The following ROBO1 variants were observed in gnomAD, a reference collection of about 807,000 sequenced individuals.
The protein encoded by ROBO1 is roundabout homolog 1.
ROBO1 carries 149 observed loss-of-function variants against 195.9 expected under a neutral mutation model. The observed-to-expected ratio is 0.76, with a 90% CI of 0.67 to 0.87. The LOEUF is 0.87. ROBO1 is among the 40% of genes least tolerant of loss of function. ROBO1 has a pLI of 0.00. For synonymous variants in ROBO1, 816 were observed against 733.2 expected (o/e 1.11, Z -1.82); for missense variants, 1,933 against 2,068.3 (o/e 0.93, Z 1.27).
intron 4 of ROBO1, among the ~76,000 whole-genome samples, chr3:78,917,670 A>T (rs192275114): frequency 2.0e-5 from 3 of 152,330 alleles, no homozygotes; most frequent in Admixed American, 6.5e-5. Flanking sequence ...AAGTCCTTAA[A>T]CATCCGGAAC....
chr3:78,695,557 G>A (rs571821461), intron 8 of ROBO1, among the ~76,000 whole-genome samples: 9 of 150,934 alleles, frequency 6.0e-5, no homozygotes, highest in East Asian at 5.9e-4. Flanking sequence ...TCCTGGAGGC[G>A]GAGGTTGCAG....
At position 78,627,331 on chromosome 3, in the gene ROBO1, G is replaced by T; in HGVS notation, c.3865C>A (p.Pro1289Thr). 1.2e-6 allele frequency: 2 copies of T among 1,612,148 alleles called. No homozygotes were observed. Among genetic ancestry groups the T allele is most frequent in the Non-Finnish European group, 1.7e-6 (2 of 1,179,122 alleles). Residue 1289 changes from proline to threonine, a missense_variant, in exon 26 of 31, where the codon CCC (proline) becomes ACC (threonine). By Grantham distance (38) the Pro-to-Thr change is conservative (BLOSUM62 -1). Around this residue, in one of 3 missense-constraint regions of ROBO1, gnomAD observed 1,737 missense variants for 1,882.5 expected, o/e 0.92. Coordinates refer to ENST00000464233, the MANE Select transcript of ROBO1 (RefSeq NM_002941.4). ...PEETGHMQHQ[P>T]DRRRQPVSPP... ...CTAGTGACAACATACCTCCTGTCGG[G>T]CTGGTGCTGCATGTGGCCAGTCTCC...
chr3:79,758,572 T>C (rs1247511860), intron 1 of ROBO1, among the ~76,000 whole-genome samples: 1 of 152,216 alleles, frequency 6.6e-6, no homozygotes, highest in Non-Finnish European at 1.5e-5. Context: ...TATAGGAATA[T>C]GATTCAGAAG....
At chr3:79,658,807 C>T (rs188339651) in intron 1 of ROBO1, among the ~76,000 whole-genome samples, 30 of 151,052 alleles carry the variant, frequency 2.0e-4, no homozygotes, top group East Asian at 7.9e-4. Context: ...CTCGCTCTGT[C>T]GCCCAGGCTG....
At chr3:79,235,246 G>A (rs2082386823) in intron 2 of ROBO1, among the ~76,000 whole-genome samples, 1 of 152,190 alleles carries the variant, frequency 6.6e-6, no homozygotes, top group South Asian at 2.1e-4. Flanking sequence ...ACACATTATT[G>A]AATATTGAAA....
chr3:78,984,431 T>C (rs969218513), intron 3 of ROBO1, among the ~76,000 whole-genome samples: 2 of 152,120 alleles, frequency 1.3e-5, no homozygotes, highest in Admixed American at 1.3e-4. Context: ...TTTGTTTCAA[T>C]AAACATCAGG....
chr3:79,273,966 C>T (rs1559781914), intron 2 of ROBO1, among the ~76,000 whole-genome samples: 1 of 151,854 alleles, frequency 6.6e-6, no homozygotes, highest in Non-Finnish European at 1.5e-5. Flanking sequence ...GAGGATACAA[C>T]AATTTTAAAT....
chr3:79,133,792 G>GT (rs1416584727), intron 2 of ROBO1, among the ~76,000 whole-genome samples: 1 of 135,618 alleles, frequency 7.4e-6, no homozygotes, highest in Non-Finnish European at 1.6e-5. Context: ...TTTCTGTTCT[G>GT]TTTTTTCCCC....
At chr3:79,432,934 G>T (rs1047200829) in intron 2 of ROBO1, among the ~76,000 whole-genome samples, 3 of 152,060 alleles carry the variant, frequency 2.0e-5, no homozygotes, top group African/African-American at 7.2e-5. Context: ...GTTTCCTAAG[G>T]ATTAATATAG....
chr3:79,626,765 C>G (rs1197327275), intron 1 of ROBO1, among the ~76,000 whole-genome samples: 1 of 152,056 alleles, frequency 6.6e-6, no homozygotes, highest in East Asian at 1.9e-4. Context: ...CATCTCAGCC[C>G]CAAACCTCCT....
chr3:79,032,222 A>T (rs1301948850), intron 3 of ROBO1, among the ~76,000 whole-genome samples: 1 of 152,050 alleles, frequency 6.6e-6, no homozygotes, highest in Non-Finnish European at 1.5e-5. Flanking sequence ...ATTATTTTTT[A>T]ATACACAATA....
At chr3:79,241,227 A>G (rs2108880290) in intron 2 of ROBO1, among the ~76,000 whole-genome samples, 1 of 152,328 alleles carries the variant, frequency 6.6e-6, no homozygotes, top group South Asian at 2.1e-4. Context: ...AAGTCTCTAG[A>G]TAGCTGCATA....
intron 3 of ROBO1, among the ~76,000 whole-genome samples, chr3:78,942,940 T>C (rs1215507631): frequency 6.7e-6 from 1 of 149,606 alleles, no homozygotes; most frequent in African/African-American, 2.5e-5. Context: ...TTTTGCCGGG[T>C]GCGGTGGGTC....
intron 1 of ROBO1, among the ~76,000 whole-genome samples, chr3:79,618,353 G>T (rs148764839): frequency 0.022 from 3,308 of 152,180 alleles, 110 homozygotes; most frequent in African/African-American, 0.076. Context: ...CATCCAGATG[G>T]CCTGAAGCAA....
chr3:79,294,472 G>C (rs925895645), intron 2 of ROBO1, among the ~76,000 whole-genome samples: 2 of 152,094 alleles, frequency 1.3e-5, no homozygotes, highest in Admixed American at 6.6e-5. Flanking sequence ...AGACTTAAAC[G>C]TAAGACCTAA....
Position 79,565,631 on chromosome 3 carries a change from G to A in ROBO1, c.88+24193C>T, listed in dbSNP as rs184026317. 3.9e-5 allele frequency among the ~76,000 whole-genome samples: 6 copies of A among 152,052 alleles called. No homozygotes were observed. In the East Asian group the frequency reaches 5.8e-4, roughly 15 times the overall value. ...AATATAGCAAAATAGGAAAGAAACCGCCAAGATTAAAATGGATTTATGAGA... is the reference window on the plus strand; with the variant it reads ...AATATAGCAAAATAGGAAAGAAACCACCAAGATTAAAATGGATTTATGAGA... On this transcript the variant is annotated intron_variant, in intron 2 of 30. Coordinates refer to ENST00000464233, the MANE Select transcript of ROBO1 (RefSeq NM_002941.4).
At chr3:79,170,529 GCCC>G (rs1305716865) in intron 2 of ROBO1, among the ~76,000 whole-genome samples, 4 of 152,016 alleles carry the variant, frequency 2.6e-5, no homozygotes, top group African/African-American at 9.7e-5. Flanking sequence ...AAATAGCCTT[GCCC>G]CTAAATTTAA....
chr3:78,664,555 T>C (rs1053909430), intron 14 of ROBO1, among the ~76,000 whole-genome samples: 1 of 152,180 alleles, frequency 6.6e-6, no homozygotes, highest in Non-Finnish European at 1.5e-5. Context: ...AAGCACACTT[T>C]GATTACCACA....
At chr3:78,984,170 T>G (rs1025266354) in intron 3 of ROBO1, among the ~76,000 whole-genome samples, 3 of 152,092 alleles carry the variant, frequency 2.0e-5, no homozygotes, top group African/African-American at 7.2e-5. Context: ...ATGAGAGGAC[T>G]GTGGTGGTGG....
Sources: gnomAD v4.1 joint callset for allele counts (sites outside exome capture counted in the v4.1 genomes callset) on GRCh38, gnomAD v4.1.1 for gene constraint, gnomAD v4.1.1 regional missense constraint, MANE v1.5 for transcripts, NCBI Gene and HGNC (gene_info 2026-07-23, HGNC 2026-07-21) for gene names.